Variants in BIRC6 observed in about 807,000 individuals in gnomAD.
BIRC6 encodes baculoviral IAP repeat containing 6, also known as dual E2 ubiquitin-conjugating enzyme/E3 ubiquitin-protein ligase BIRC6.
In BIRC6, 98 loss-of-function variants were observed where a neutral mutation model predicts 503.3. The observed-to-expected ratio is 0.19, with a 90% CI of 0.17 to 0.23. BIRC6 has a LOEUF of 0.23. BIRC6 is among the 10% of genes least tolerant of loss of function. The probability of loss-of-function intolerance (pLI) is 1.00; values close to 1 mark genes in which losing one functional copy is unlikely to be tolerated. For missense variants in BIRC6, 5,360 were observed against 5,806.0 expected (o/e 0.92, Z 2.50); for synonymous variants, 2,240 against 2,078.7 (o/e 1.08, Z -2.11).
In BIRC6 at chr2:32,442,346, C is replaced by T. The variant is rs1558736457; in HGVS notation, c.4129C>T (p.Leu1377=). ...PGSSKEGNEN[L]LSKTRKFLSD... The stretch of plus-strand genomic sequence containing the variant: ...CAGCTCAAAGGAAGGAAATGAGAAC[C>T]TACTTTCAAAAACACGAAAATTTCT... The change falls in exon 19 of 74, where the codon CTA becomes TTA. Residue 1377 remains leucine (L), a synonymous_variant. Coordinates refer to ENST00000421745, the MANE Select transcript of BIRC6 (RefSeq NM_016252.4). The T allele has an allele frequency of 6.2e-7, 1 of 1,612,848 alleles. No individual in the cohort carries two copies. The highest frequency in any genetic ancestry group is 8.5e-7 in the Non-Finnish European group (1 of 1,179,370).
intron 9 of BIRC6, among the ~76,000 whole-genome samples, chr2:32,411,582 G>C (rs1010327929): frequency 5.3e-5 from 8 of 151,442 alleles, no homozygotes; most frequent in African/African-American, 1.7e-4. Context: ...GGTTCAAGCA[G>C]TTTCTCTTGC....
At chr2:32,578,998 T>TATATATATATACCTA (rs1177026994) in intron 66 of BIRC6, among the ~76,000 whole-genome samples, 1 of 68,198 alleles carries the variant, frequency 1.5e-5, no homozygotes, top group Admixed American at 1.6e-4. Flanking sequence ...ATACACTTAA[T>TATATATATATACCTA]ATATATATAT....
intron 10 of BIRC6, among the ~76,000 whole-genome samples, chr2:32,426,358 T>C (rs944853934): frequency 2.0e-5 from 3 of 152,096 alleles, no homozygotes; most frequent in Non-Finnish European, 4.4e-5. Flanking sequence ...ATCCCAGCAC[T>C]TTGGGAGGTC....
At chr2:32,416,774 C>T (rs2042414628) in intron 10 of BIRC6, among the ~76,000 whole-genome samples, 2 of 141,028 alleles carry the variant, frequency 1.4e-5, no homozygotes, top group South Asian at 4.3e-4. Flanking sequence ...TTTTCCTTTT[C>T]CTTTCCCCTT....
At position 32,465,068 on chromosome 2, in the gene BIRC6, C is replaced by G. The variant is rs563505188; in HGVS notation, c.5260C>G (p.Pro1754Ala). The change falls in exon 26 of 74, where the codon CCA becomes GCA. Residue 1754 changes from proline (P) to alanine (A), a missense_variant. Pro to Ala is a conservative substitution (Grantham distance 27). Transcript: ENST00000421745. The part of the protein sequence containing the change: ...NKNSNKSRMN[P>A]LGSGLALAIS... The stretch of plus-strand genomic sequence containing the variant: ...TTTTTTTTTTTCCCTGCTCTAGAAT[C>G]CACTTGGTTCTGGTCTAGCCCTTGC... The G allele has an allele frequency of 6.3e-7, 1 of 1,575,536 alleles. No homozygotes were observed. The highest frequency in any genetic ancestry group is 2.3e-5 in the East Asian group (1 of 44,294).
At chr2:32,479,317 G>C in intron 36 of BIRC6, 145 bp from the exon 37 acceptor site, 1 of 709,062 alleles carries the variant, frequency 1.4e-6, no homozygotes, top group African/African-American at 1.8e-5. Context: ...TCCTTACGGG[G>C]GTGGGAACTC....
At chr2:32,479,357 G>C in intron 36 of BIRC6, 105 bp from the exon 37 acceptor site, 1 of 1,079,888 alleles carries the variant, frequency 9.3e-7, no homozygotes, top group Non-Finnish European at 1.3e-6. Flanking sequence ...ATAGTTAGTA[G>C]AGCATTTATT....
At chr2:32,422,507 G>C (rs573595083) in intron 10 of BIRC6, among the ~76,000 whole-genome samples, 1 of 152,136 alleles carries the variant, frequency 6.6e-6, no homozygotes, top group South Asian at 2.1e-4. Flanking sequence ...AACTAAAGCA[G>C]TATGGATATC....
At chr2:32,465,503 T>C (rs1445390812) in intron 26 of BIRC6, among the ~76,000 whole-genome samples, 3 of 152,122 alleles carry the variant, frequency 2.0e-5, no homozygotes, top group Non-Finnish European at 2.9e-5. Context: ...CTTCTTATAG[T>C]AGAACTCTTT....
At chr2:32,423,114 C>T (rs1316060169) in intron 10 of BIRC6, among the ~76,000 whole-genome samples, 2 of 152,000 alleles carry the variant, frequency 1.3e-5, no homozygotes, top group Admixed American at 1.3e-4. Context: ...TTTTACAAAA[C>T]AGTTGGGGTT....
chr2:32,473,345 CT>C, intron 33 of BIRC6, 106 bp downstream of exon 33: 1 of 896,686 alleles, frequency 1.1e-6, no homozygotes, highest in Non-Finnish European at 1.6e-6. Context: ...TTAATGGGCT[CT>C]TAGCTTAGGA....
At chr2:32,522,885 C>T (rs2055880589) in intron 57 of BIRC6, 1 of 152,202 alleles carries the variant, frequency 6.6e-6, no homozygotes, top group South Asian at 2.1e-4. Flanking sequence ...TGCAAATCTG[C>T]ATAGATGCAA....
intron 10 of BIRC6, among the ~76,000 whole-genome samples, chr2:32,418,000 G>A (rs1018758134): frequency 1.3e-5 from 2 of 152,018 alleles, no homozygotes; most frequent in East Asian, 1.9e-4. Context: ...GTCTGGTCTC[G>A]AACTGCTGAC....
At chr2:32,544,013 T>A (rs1160357237) in intron 62 of BIRC6, among the ~76,000 whole-genome samples, 1 of 152,124 alleles carries the variant, frequency 6.6e-6, no homozygotes, top group Non-Finnish European at 1.5e-5. Context: ...GAAGGACAGA[T>A]TAGATTTAGG....
At chr2:32,492,580 T>C (rs13391806) in intron 44 of BIRC6, among the ~76,000 whole-genome samples, 37,458 of 151,980 alleles carry the variant, frequency 0.25, 5,699 homozygotes, top group Non-Finnish European at 0.33. Context: ...AAAACATGCA[T>C]CAGCTATATT....
intron 35 of BIRC6, 62 bp from the exon 36 acceptor site, chr2:32,478,573 T>C: frequency 7.0e-7 from 1 of 1,425,478 alleles, no homozygotes. Context: ...TAGACTTCTG[T>C]TAGTGTTTGA....
intron 10 of BIRC6, among the ~76,000 whole-genome samples, chr2:32,417,823 A>G (rs1479835391): frequency 6.6e-6 from 1 of 152,184 alleles, no homozygotes; most frequent in African/African-American, 2.4e-5. Context: ...CCCTGTCAAC[A>G]GGCTGGGGTG....
At chr2:32,564,260 A>G (rs1234423888) in intron 65 of BIRC6, 1 of 152,216 alleles carries the variant, frequency 6.6e-6, no homozygotes, top group African/African-American at 2.4e-5. Flanking sequence ...TTTTCCATGC[A>G]GCAAAATGTT....
intron 10 of BIRC6, among the ~76,000 whole-genome samples, chr2:32,418,002 A>G (rs939262736): frequency 6.6e-6 from 1 of 152,152 alleles, no homozygotes; most frequent in Non-Finnish European, 1.5e-5. Context: ...CTGGTCTCGA[A>G]CTGCTGACCT....
Sources: allele counts gnomAD v4.1 joint callset (sites outside exome capture counted in the v4.1 genomes callset), GRCh38; gene constraint gnomAD v4.1.1; transcripts MANE v1.5; gene names NCBI Gene and HGNC (gene_info 2026-07-23, HGNC 2026-07-21).